SCLT1: variants seen among roughly 807,000 people sequenced by gnomAD.
The protein encoded by SCLT1 is sodium channel-associated protein 1.
In SCLT1, 78 loss-of-function variants were observed where a neutral mutation model predicts 112.8. The ratio of observed to expected loss-of-function variants is 0.69; its 90% confidence interval spans 0.58 to 0.83. SCLT1 has a LOEUF of 0.83. SCLT1 is among the 40% of genes least tolerant of loss of function. The pLI, the probability that SCLT1 is intolerant of heterozygous loss-of-function variation, is 0.00. For missense variants in SCLT1, 747 were observed against 770.4 expected (o/e 0.97, Z 0.36); for synonymous variants, 257 against 254.7 (o/e 1.01, Z -0.09).
intron 16 of SCLT1, chr4:128,944,858 A>C (rs755302884): frequency 6.6e-6 from 1 of 152,188 alleles, no homozygotes; most frequent in Non-Finnish European, 1.5e-5. Flanking sequence ...GGGAGCCTTT[A>C]GTCATTTCTC....
At chr4:129,016,202 C>T (rs984848445) in intron 5 of SCLT1, among the ~76,000 whole-genome samples, 4 of 152,070 alleles carry the variant, frequency 2.6e-5, no homozygotes, top group Admixed American at 6.6e-5. Flanking sequence ...GGGATACACA[C>T]GCAGGATGTG....
In SCLT1 at chr4:129,000,939, T is replaced by C. The variant is rs151290162; in HGVS notation, c.427-1145A>G. On this transcript the variant is annotated intron_variant, in intron 6 of 20. Coordinates refer to ENST00000281142, the MANE Select transcript of SCLT1 (RefSeq NM_144643.4). Reference sequence around the variant, plus strand: ...TTCCTAACACCATAGATTAGTTTTGTCTAAAACTTAAAAAAAAAAACAAAA... The same window carrying C: ...TTCCTAACACCATAGATTAGTTTTGCCTAAAACTTAAAAAAAAAAACAAAA... 1.9e-3 allele frequency among the ~76,000 whole-genome samples: 295 copies of C among 151,482 alleles called. 1 individual carries two copies. The highest frequency in any genetic ancestry group is 6.9e-3 in the African/African-American group (286 of 41,320).
chr4:129,086,033 T>C (rs367623150), intron 1 of SCLT1, among the ~76,000 whole-genome samples: 3 of 151,864 alleles, frequency 2.0e-5, no homozygotes, highest in Middle Eastern at 3.2e-3. Context: ...AAGAAAAACT[T>C]AAAACAAAAA....
rs148771364 is a variant in SCLT1, at chr4:129,082,529, A to G, written c.35-156T>C. Among the ~76,000 whole-genome samples, 243 of 152,314 alleles carry G rather than the reference A, an allele frequency of 1.6e-3. 2 individuals carry two copies. The highest frequency in any genetic ancestry group is 5.3e-3 in the African/African-American group (222 of 41,572). ...ATCATCAGTTTCAATACACCATTTT[A>G]AAACTTGAAAATAGGCCCTTTTATA... is the stretch of plus-strand genomic sequence containing the variant. On this transcript the variant is annotated intron_variant, in intron 1 of 20. Coordinates refer to ENST00000281142, the MANE Select transcript of SCLT1 (RefSeq NM_144643.4).
At chr4:128,983,335 T>C (rs1328733816) in intron 9 of SCLT1, among the ~76,000 whole-genome samples, 2 of 152,210 alleles carry the variant, frequency 1.3e-5, no homozygotes, top group Admixed American at 6.5e-5. Context: ...ATTATCATCA[T>C]AACTCAGTTG....
At chr4:129,030,311 A>C (rs536248077) in intron 5 of SCLT1, among the ~76,000 whole-genome samples, 1 of 152,318 alleles carries the variant, frequency 6.6e-6, no homozygotes, top group African/African-American at 2.4e-5. Context: ...CAGCTAAAGC[A>C]GTGTTAAGAG....
At chr4:128,995,626 C>T (rs1366034405) in intron 8 of SCLT1, among the ~76,000 whole-genome samples, 2 of 152,056 alleles carry the variant, frequency 1.3e-5, no homozygotes. Context: ...CAGCAGGCCT[C>T]TACCAACTCT....
chr4:128,996,988 T>C (rs1386957146), intron 8 of SCLT1, among the ~76,000 whole-genome samples: 2 of 152,012 alleles, frequency 1.3e-5, no homozygotes, highest in African/African-American at 4.8e-5. Flanking sequence ...TAGAAATATA[T>C]TAAATTAAAA....
chr4:128,992,117 T>C lies in SCLT1; in HGVS notation c.686+50A>G, dbSNP rs754288478. 6.3e-6 allele frequency: 8 copies of C among 1,266,284 alleles called. 1 individual carries two copies. In the South Asian group the frequency reaches 1.0e-4, roughly 16 times the overall value. 78.4% of individuals were successfully genotyped at this position (1,266,284 alleles called of 1,614,324 possible). On this transcript the variant is annotated intron_variant, in intron 9 of 20. Coordinates refer to ENST00000281142, the MANE Select transcript of SCLT1 (RefSeq NM_144643.4). The stretch of plus-strand genomic sequence containing the variant: ...AAAATTATAGCATCATCAGCTCCCC[T>C]GAAGAAAAATAATTAACAATGAAAT...
At chr4:128,962,154 A>G (rs565687308) in intron 11 of SCLT1, among the ~76,000 whole-genome samples, 2 of 152,316 alleles carry the variant, frequency 1.3e-5, no homozygotes, top group South Asian at 2.1e-4. Context: ...ACCCAACTAT[A>G]TAAGTTGAGC....
At chr4:128,997,252 C>G (rs1366700224) in intron 8 of SCLT1, 1 of 151,640 alleles carries the variant, frequency 6.6e-6, no homozygotes, top group Non-Finnish European at 1.5e-5. Flanking sequence ...TTATTAGGTA[C>G]TAACAAGAAT....
chr4:128,921,957 A>C (rs887957008), intron 18 of SCLT1, among the ~76,000 whole-genome samples: 2 of 152,174 alleles, frequency 1.3e-5, no homozygotes, highest in African/African-American at 4.8e-5. Flanking sequence ...TAAGAAAAAA[A>C]CAAACAACCC....
chr4:128,983,121 C>T (rs113980344), intron 9 of SCLT1, among the ~76,000 whole-genome samples: 1 of 152,180 alleles, frequency 6.6e-6, no homozygotes. Context: ...CTCCCGACCT[C>T]AGGTGATCCG....
intron 5 of SCLT1, among the ~76,000 whole-genome samples, chr4:129,028,219 G>C (rs1396957123): frequency 6.6e-6 from 1 of 152,130 alleles, no homozygotes; most frequent in Non-Finnish European, 1.5e-5. Flanking sequence ...GCATCGCCAA[G>C]TCAATCCTAA....
At chr4:128,879,108 C>T (rs564968702), downstream of SCLT1, among the ~76,000 whole-genome samples, 1 of 151,198 alleles carries the variant, frequency 6.6e-6, no homozygotes, top group South Asian at 2.1e-4. Context: ...GCACATGTAC[C>T]CTAGAACTTA....
At chr4:129,064,151 G>T (rs1273550486) in intron 2 of SCLT1, among the ~76,000 whole-genome samples, 1 of 152,028 alleles carries the variant, frequency 6.6e-6, no homozygotes, top group African/African-American at 2.4e-5. Context: ...TTTTCTAATT[G>T]AATAGTTGGT....
At position 128,966,018 on chromosome 4, in the gene SCLT1, G is replaced by C. The variant is rs111935343; in HGVS notation, c.778-700C>G. Among the ~76,000 whole-genome samples the C allele has an allele frequency of 4.7e-3, 716 of 151,262 alleles. 4 individuals carry two copies. The highest frequency in any genetic ancestry group is 0.016 in the African/African-American group (658 of 41,250). The stretch of plus-strand genomic sequence containing the variant: ...AGCAAATTTTTTTATTTTTAGTAGA[G>C]ACAGGGTTTCACCACATTGGCCAGG... On this transcript the variant is annotated intron_variant, in intron 10 of 20. Transcript: ENST00000281142.
chr4:128,946,063 A>G lies in SCLT1; in HGVS notation c.1383T>C (p.Asp461=). 1 of 1,611,476 alleles carries G rather than the reference A, an allele frequency of 6.2e-7. No homozygotes were observed. The highest frequency in any genetic ancestry group is 8.5e-7 in the Non-Finnish European group (1 of 1,177,892). ...QRFLVSERSK[D]DLQLRLTRAE... ...CTCTCGTAAGTCTTAGCTGAAGATC[A>G]TCTTTTGAACGCTCTGAAACCAGGA... The change falls in exon 16 of 21, where the codon GAT becomes GAC. Residue 461 remains aspartate, a synonymous_variant. Transcript: ENST00000281142.
At chr4:128,941,234 T>C (rs1737666722) in intron 17 of SCLT1, among the ~76,000 whole-genome samples, 1 of 152,110 alleles carries the variant, frequency 6.6e-6, no homozygotes, top group Admixed American at 6.6e-5. Flanking sequence ...TATCAGGATG[T>C]ATGTATGTCT....
Sources: gnomAD v4.1 joint callset for allele counts (sites outside exome capture counted in the v4.1 genomes callset) on GRCh38, gnomAD v4.1.1 for gene constraint, MANE v1.5 for transcripts, NCBI Gene and HGNC (gene_info 2026-07-23, HGNC 2026-07-21) for gene names.